ZFYVE28: variants seen among roughly 807,000 people sequenced by gnomAD.
ZFYVE28 encodes zinc finger FYVE-type containing 28.
In ZFYVE28, 40 loss-of-function variants were observed where a neutral mutation model predicts 82.1. The observed-to-expected ratio is 0.49, with a 90% CI of 0.38 to 0.63. The LOEUF (loss-of-function observed/expected upper bound fraction) is 0.63. ZFYVE28 is among the 30% of genes least tolerant of loss of function. The probability of loss-of-function intolerance (pLI) is 0.00; values close to 1 mark genes in which losing one functional copy is unlikely to be tolerated. For synonymous variants in ZFYVE28, 612 were observed against 546.1 expected (o/e 1.12, Z -1.68); for missense variants, 1,321 against 1,242.1 (o/e 1.06, Z -0.96).
At chr4:2,310,606 CCAG>C (rs1476200920) in intron 7 of ZFYVE28, among the ~76,000 whole-genome samples, 1 of 152,042 alleles carries the variant, frequency 6.6e-6, no homozygotes, top group African/African-American at 2.4e-5. Flanking sequence ...GAGTTTGAGA[CCAG>C]CTGGGGCAAC....
rs1433853013 is a variant in ZFYVE28 at position 2,271,379 on chromosome 4, A to G, written c.2464T>C (p.Phe822Leu). The change falls in exon 12 of 13, where the codon TTC (phenylalanine) becomes CTC (leucine). Residue 822 changes from phenylalanine (F) to leucine (L), a missense_variant. Around this residue, in one of 2 missense-constraint regions of ZFYVE28, gnomAD observed 978 missense variants for 833.7 expected, o/e 1.17. Coordinates refer to ENST00000290974, the MANE Select transcript of ZFYVE28 (RefSeq NM_020972.3). Reference sequence around the variant, plus strand: ...AAGGGTGCTTTGCACGCCGTGCAGAAGCCACAGGCCTCGTCTGGCACCCAC... The same window carrying G: ...AAGGGTGCTTTGCACGCCGTGCAGAGGCCACAGGCCTCGTCTGGCACCCAC... Reference protein sequence around the residue: ...PEWVPDEACGFCTACKAPFTV... With the variant: ...PEWVPDEACGLCTACKAPFTV... 6.2e-7 allele frequency: 1 copy of G among 1,612,816 alleles called. No homozygotes were observed. The highest frequency in any genetic ancestry group is 8.5e-7 in the Non-Finnish European group (1 of 1,179,922).
At chr4:2,359,291 A>AATTTTTGT (rs1173688041) in intron 1 of ZFYVE28, among the ~76,000 whole-genome samples, 1 of 151,872 alleles carries the variant, frequency 6.6e-6, no homozygotes, top group Non-Finnish European at 1.5e-5. Context: ...AAGGCCAGCC[A>AATTTTTGT]ATTTTTGTAT....
intron 1 of ZFYVE28, among the ~76,000 whole-genome samples, chr4:2,358,964 G>A (rs1725728042): frequency 6.7e-6 from 1 of 148,640 alleles, no homozygotes; most frequent in Non-Finnish European, 1.5e-5. Flanking sequence ...ACTATGGCCA[G>A]CCAATTTTTT....
chr4:2,359,555 G>A (rs1361571521), intron 1 of ZFYVE28, among the ~76,000 whole-genome samples: 2 of 152,196 alleles, frequency 1.3e-5, no homozygotes, highest in Non-Finnish European at 2.9e-5. Context: ...CCGACTTTGT[G>A]GGGACAATGG....
Position 2,305,145 on chromosome 4 carries a change from GCTC to G in ZFYVE28, c.1192_1194del (p.Glu398del), listed in dbSNP as rs1560174991. On this transcript the variant is annotated inframe_deletion, in exon 8 of 13. Coordinates refer to ENST00000290974, the MANE Select transcript of ZFYVE28 (RefSeq NM_020972.3). ...TCCACGTCATCCATGAAGAACACGC[GCTC>G]CTCCTCGTCACTGCCTGACCGCAGG... 6.3e-7 allele frequency: 1 copy of G among 1,589,238 alleles called. No homozygotes were observed. Among genetic ancestry groups the G allele is most frequent in the Non-Finnish European group, 8.6e-7 (1 of 1,166,122 alleles).
In ZFYVE28 at chr4:2,409,596, C is replaced by A. The variant is rs1056671241; in HGVS notation, c.39+8689G>T. Among the ~76,000 whole-genome samples, 6 of 152,244 alleles carry A rather than the reference C, an allele frequency of 3.9e-5. No individual in the cohort carries two copies. The highest frequency in any genetic ancestry group is 1.4e-4 in the African/African-American group (6 of 41,466). Reference sequence around the variant, plus strand: ...TGCTCGCTGTCCCTCCGATCCCTGGCTCAGGCAAGGCCCACATGGCCTGAC... The same window carrying A: ...TGCTCGCTGTCCCTCCGATCCCTGGATCAGGCAAGGCCCACATGGCCTGAC... On this transcript the variant is annotated intron_variant, in intron 1 of 12. Coordinates refer to ENST00000290974, the MANE Select transcript of ZFYVE28 (RefSeq NM_020972.3). The surrounding 1 kb of genome is among the most constrained non-coding windows in gnomAD (Gnocchi z 4.4).
intron 7 of ZFYVE28, among the ~76,000 whole-genome samples, chr4:2,313,853 A>AAAG (rs1717843044): frequency 6.6e-6 from 1 of 151,624 alleles, no homozygotes; most frequent in African/African-American, 2.4e-5. Flanking sequence ...TGTCTCAAAA[A>AAAG]AAAAAAAAAA....
chr4:2,402,423 T>C (rs3128775), intron 1 of ZFYVE28, among the ~76,000 whole-genome samples: 129,232 of 152,202 alleles, frequency 0.85, 55,030 homozygotes, highest in Admixed American at 0.9. Context: ...TGCTTGGCTA[T>C]GGTCCCCAGA....
At chr4:2,324,037 T>C (rs1719499717) in intron 6 of ZFYVE28, among the ~76,000 whole-genome samples, 1 of 152,114 alleles carries the variant, frequency 6.6e-6, no homozygotes, top group Non-Finnish European at 1.5e-5. Context: ...CATTGCAAAA[T>C]CTGAGAACAG....
chr4:2,391,152 C>G (rs932035041), intron 1 of ZFYVE28, among the ~76,000 whole-genome samples: 4 of 152,230 alleles, frequency 2.6e-5, no homozygotes, highest in Non-Finnish European at 4.4e-5. Context: ...CTCTGTGTTT[C>G]CTGATTTTCC....
chr4:2,346,918 C>T (rs1238890391), intron 2 of ZFYVE28, among the ~76,000 whole-genome samples: 1 of 151,956 alleles, frequency 6.6e-6, no homozygotes, highest in African/African-American at 2.4e-5. Context: ...CAAAATGATA[C>T]TTAAATCTAA....
intron 1 of ZFYVE28, among the ~76,000 whole-genome samples, chr4:2,385,870 G>C (rs954603322): frequency 6.6e-6 from 1 of 152,200 alleles, no homozygotes; most frequent in Non-Finnish European, 1.5e-5. Context: ...TGGTTCTCCG[G>C]GAAGTTAAAA....
chr4:2,380,062 G>A (rs143326598), intron 1 of ZFYVE28, among the ~76,000 whole-genome samples: 20 of 152,264 alleles, frequency 1.3e-4, no homozygotes, highest in Non-Finnish European at 2.8e-4. Context: ...GCACTGAGTC[G>A]ACAATGTAGA....
At chr4:2,347,308 A>T (rs1372725380) in intron 2 of ZFYVE28, among the ~76,000 whole-genome samples, 1 of 152,204 alleles carries the variant, frequency 6.6e-6, no homozygotes, top group East Asian at 1.9e-4. Context: ...ACAAATCCAC[A>T]ATTATGGTCA....
At chr4:2,309,469 T>C (rs1717178386) in intron 7 of ZFYVE28, among the ~76,000 whole-genome samples, 1 of 152,256 alleles carries the variant, frequency 6.6e-6, no homozygotes, top group Non-Finnish European at 1.5e-5. Flanking sequence ...AGACCACTTA[T>C]TTTTGTATAT....
At chr4:2,395,438 G>C (rs1730336394) in intron 1 of ZFYVE28, among the ~76,000 whole-genome samples, 1 of 152,226 alleles carries the variant, frequency 6.6e-6, no homozygotes, top group Admixed American at 6.5e-5. Context: ...TAAGCCCCAG[G>C]GGGATCCCAA....
intron 8 of ZFYVE28, among the ~76,000 whole-genome samples, chr4:2,294,962 T>TAAAAAAA (rs11392933): frequency 6.7e-6 from 1 of 149,420 alleles, no homozygotes. Context: ...AAAAATTACT[T>TAAAAAAA]AAAAAAAAAA....
chr4:2,399,032 G>GGGTGAGATGCAGGGCACAAGCGTGGA (rs1730831175), intron 1 of ZFYVE28, among the ~76,000 whole-genome samples: 1 of 50,346 alleles, frequency 2.0e-5, no homozygotes, highest in Non-Finnish European at 4.8e-5. Context: ...GCACAAGGTG[G>GGGTGAGATGCAGGGCACAAGCGTGGA]GGTGAGATCC....
At chr4:2,360,426 C>CAT (rs1491460973) in intron 1 of ZFYVE28, among the ~76,000 whole-genome samples, 1 of 151,018 alleles carries the variant, frequency 6.6e-6, no homozygotes, top group Non-Finnish European at 1.5e-5. Context: ...CACACACACA[C>CAT]AGGCACGCAC....
Sources: gnomAD v4.1 joint callset for allele counts (sites outside exome capture counted in the v4.1 genomes callset) on GRCh38, gnomAD v4.1.1 for gene constraint, gnomAD v4.1.1 regional missense constraint, Gnocchi (gnomAD v3.1) non-coding constraint, MANE v1.5 for transcripts, NCBI Gene and HGNC (gene_info 2026-07-23, HGNC 2026-07-21) for gene names.